ANKFN1: variants seen among roughly 807,000 people sequenced by gnomAD.
ANKFN1 encodes the protein ankyrin repeat and fibronectin type-III domain-containing protein 1.
ANKFN1 carries 74 observed loss-of-function variants against 108.7 expected under a neutral mutation model. That is an observed-to-expected ratio of 0.68 (90% CI 0.56 to 0.83). The LOEUF is 0.83. ANKFN1 is among the 40% of genes least tolerant of loss of function. The pLI is 0.00. For synonymous variants in ANKFN1, 547 were observed against 516.2 expected (o/e 1.06, Z -0.81); for missense variants, 1,505 against 1,382.3 (o/e 1.09, Z -1.41).
intron 4 of ANKFN1, among the ~76,000 whole-genome samples, chr17:56,078,077 T>G: frequency 6.6e-6 from 1 of 152,192 alleles, no homozygotes; most frequent in East Asian, 1.9e-4. Context: ...GTAAATTTGT[T>G]TAGATTCAAA....
At position 56,498,891 on chromosome 17, in the gene ANKFN1, G is replaced by A. The variant is rs756482200; in HGVS notation, c.2437G>A (p.Glu813Lys). The A allele has an allele frequency of 5.2e-6, 8 of 1,535,216 alleles. No individual in the cohort carries two copies. The South Asian group carries it at 9.5e-5, about 18-fold the overall frequency. ...QVLDFIQQIDEVWREMRWIMD... is the reference protein window; with the variant it reads ...QVLDFIQQIDKVWREMRWIMD... ...CCATTTTATTCCAAAGCAAATAGATGAAGTCTGGCGTGAAATGAGATGGAT... is the reference window on the plus strand; with the variant it reads ...CCATTTTATTCCAAAGCAAATAGATAAAGTCTGGCGTGAAATGAGATGGAT... Residue 813 changes from glutamate (E) to lysine (K), a missense_variant, in exon 20 of 21, where the codon GAA becomes AAA. Physicochemically the swap from Glu to Lys is moderately conservative, Grantham distance 56 (BLOSUM62 1). Coordinates refer to ENST00000682825, the MANE Select transcript of ANKFN1 (RefSeq NM_001370326.1).
chr17:56,422,451 ACACACATGCACACACACACG>A (rs1392831841), intron 8 of ANKFN1, among the ~76,000 whole-genome samples: 2 of 151,188 alleles, frequency 1.3e-5, no homozygotes, highest in Non-Finnish European at 2.9e-5. Context: ...ACATGCATGC[ACACACATGCACACACACACG>A]CACGCATGCA....
chr17:56,228,599 T>C (rs565680510), intron 3 of ANKFN1: 37 of 152,004 alleles, frequency 2.4e-4, no homozygotes, highest in African/African-American at 8.4e-4. Context: ...TTTAATGAAA[T>C]GAAGGTAAGA....
chr17:56,099,920 C>T (rs1322073123), intron 4 of ANKFN1, among the ~76,000 whole-genome samples: 1 of 152,162 alleles, frequency 6.6e-6, no homozygotes, highest in Non-Finnish European at 1.5e-5. Context: ...AGTCACTTCA[C>T]CCTTCTGGTT....
At chr17:56,390,946 CTATT>C (rs1447547086) in intron 8 of ANKFN1, among the ~76,000 whole-genome samples, 1 of 151,868 alleles carries the variant, frequency 6.6e-6, no homozygotes, top group African/African-American at 2.4e-5. Flanking sequence ...CTGCAAGCAT[CTATT>C]TATTTATATA....
At chr17:56,084,276 G>A (rs746652603) in intron 4 of ANKFN1, among the ~76,000 whole-genome samples, 5 of 151,392 alleles carry the variant, frequency 3.3e-5, no homozygotes, top group Non-Finnish European at 7.4e-5. Flanking sequence ...TGAACAGGAC[G>A]TGCAGCAGTT....
chr17:56,194,959 A>G (rs1243120787), intron 1 of ANKFN1, among the ~76,000 whole-genome samples: 1 of 152,250 alleles, frequency 6.6e-6, no homozygotes, highest in Non-Finnish European at 1.5e-5. Context: ...CCTATCATTC[A>G]TCTCTGTTCT....
intron 8 of ANKFN1, among the ~76,000 whole-genome samples, chr17:56,404,079 C>T (rs1191531111): frequency 6.6e-6 from 1 of 152,122 alleles, no homozygotes; most frequent in African/African-American, 2.4e-5. Context: ...ATGCTTCTGT[C>T]TCACAACTCT....
intron 18 of ANKFN1, among the ~76,000 whole-genome samples, chr17:56,487,921 G>A (rs558971640): frequency 7.2e-5 from 11 of 152,332 alleles, no homozygotes; most frequent in Admixed American, 2.0e-4. Flanking sequence ...GCCTGATTAA[G>A]TACACTCTTA....
intron 4 of ANKFN1, among the ~76,000 whole-genome samples, chr17:56,331,584 G>A (rs1476137672): frequency 6.6e-6 from 1 of 152,154 alleles, no homozygotes; most frequent in Admixed American, 6.5e-5. Flanking sequence ...GCCAGATCAA[G>A]TTCCCTTAGA....
At chr17:56,109,798 T>C (rs551465268) in intron 4 of ANKFN1, among the ~76,000 whole-genome samples, 1 of 152,294 alleles carries the variant, frequency 6.6e-6, no homozygotes, top group Non-Finnish European at 1.5e-5. Flanking sequence ...CTAAGGCTGC[T>C]GAGAGGATTA....
intron 4 of ANKFN1, among the ~76,000 whole-genome samples, chr17:56,347,153 G>C (rs1348730575): frequency 2.7e-5 from 4 of 150,594 alleles, no homozygotes; most frequent in African/African-American, 2.4e-5. Context: ...ATCTGTTTTA[G>C]TATATGTTAC....
At chr17:56,163,253 C>T (rs1161635713) in intron 1 of ANKFN1, among the ~76,000 whole-genome samples, 1 of 151,960 alleles carries the variant, frequency 6.6e-6, no homozygotes, top group African/African-American at 2.4e-5. Context: ...TTGCCTATAA[C>T]ATTGTTCACA....
intron 3 of ANKFN1, among the ~76,000 whole-genome samples, chr17:56,280,502 C>T (rs2044051768): frequency 6.6e-6 from 1 of 152,074 alleles, no homozygotes; most frequent in South Asian, 2.1e-4. Context: ...TGTTGGATGC[C>T]CTGGTTCTGA....
At chr17:56,333,089 A>G (rs937133440) in intron 4 of ANKFN1, among the ~76,000 whole-genome samples, 1 of 151,940 alleles carries the variant, frequency 6.6e-6, no homozygotes, top group East Asian at 1.9e-4. Context: ...AGATTATTCT[A>G]TGTAAACTTT....
chr17:56,510,702 G>A lies in ANKFN1; in HGVS notation c.2874G>A (p.Glu958=). The A allele has an allele frequency of 2.0e-6, 3 of 1,536,132 alleles. No individual in the cohort carries two copies. The highest frequency in any genetic ancestry group is 2.6e-6 in the Non-Finnish European group (3 of 1,146,896). ...GGCCGGGCCAGGATCCCCAGGGCGAGGGCCCAAATCCCGATCACTCATGTG... is the reference window on the plus strand; with the variant it reads ...GGCCGGGCCAGGATCCCCAGGGCGAAGGCCCAAATCCCGATCACTCATGTG... ...PLGPGQDPQG[E]GPNPDHSCAE... is the part of the protein sequence containing the mutation. The change falls in exon 21 of 21, where the codon GAG becomes GAA. Residue 958 remains glutamate (E), a synonymous_variant. Transcript: ENST00000682825.
At chr17:56,258,924 G>GTAAATAAA (rs566587017) in intron 3 of ANKFN1, among the ~76,000 whole-genome samples, 3 of 151,728 alleles carry the variant, frequency 2.0e-5, no homozygotes, top group South Asian at 2.1e-4. Flanking sequence ...AAATAAATAA[G>GTAAATAAA]TAAATAAATA....
At chr17:56,390,103 G>C (rs12452143) in intron 8 of ANKFN1, among the ~76,000 whole-genome samples, 2 of 151,646 alleles carry the variant, frequency 1.3e-5, no homozygotes, top group Non-Finnish European at 2.9e-5. Context: ...ATAGGTATAC[G>C]TGTGCCATGG....
intron 20 of ANKFN1, among the ~76,000 whole-genome samples, chr17:56,506,045 TTTTTTTTG>T (rs1456193945): frequency 1.1e-3 from 44 of 41,158 alleles, no homozygotes; most frequent in East Asian, 8.7e-3. Flanking sequence ...ACATTATTTG[TTTTTTTTG>T]TTTGTTTGTT....
Sources: allele counts gnomAD v4.1 joint callset (sites outside exome capture counted in the v4.1 genomes callset), GRCh38; gene constraint gnomAD v4.1.1; transcripts MANE v1.5; gene names NCBI Gene and HGNC (gene_info 2026-07-23, HGNC 2026-07-21).